MCM5: variants seen among roughly 807,000 people sequenced by gnomAD.
MCM5 encodes minichromosome maintenance complex component 5, also known as DNA replication licensing factor MCM5.
In MCM5, 46 loss-of-function variants were observed where a neutral mutation model predicts 79.9. That is an observed-to-expected ratio of 0.58 (90% confidence interval 0.45 to 0.74). The LOEUF (loss-of-function observed/expected upper bound fraction) is 0.74, where lower values mean the gene tolerates loss of function less well. Among genes scored for constraint, MCM5 ranks in the 30% least tolerant of loss-of-function variants. The pLI, the probability that MCM5 is intolerant of heterozygous loss-of-function variation, is 0.00. For missense variants in MCM5, 883 were observed against 1,017.0 expected (o/e 0.87, Z 1.79); for synonymous variants, 404 against 390.5 (o/e 1.03, Z -0.41).
chr22:35,429,639 A>G (rs749486472), downstream of MCM5, among the ~76,000 whole-genome samples: 9 of 151,682 alleles, frequency 5.9e-5, no homozygotes, highest in Non-Finnish European at 1.0e-4. Flanking sequence ...TGGTTCAAGC[A>G]ATTCTCCTGC....
chr22:35,423,179 A>T (rs757806636), intron 15 of MCM5, 35 bp from the exon 16 acceptor site: 1 of 1,526,048 alleles, frequency 6.6e-7, no homozygotes, highest in Non-Finnish European at 8.9e-7. Flanking sequence ...CCATTGTCCC[A>T]GCTCCCCGGC....
At chr22:35,438,354 C>CGT in the MCM5 span, among the ~76,000 whole-genome samples, 1 of 94,548 alleles carries the variant, frequency 1.1e-5, no homozygotes, top group Admixed American at 1.0e-4. Context: ...CATCCACTCA[C>CGT]CCACCCACAT....
At chr22:35,449,453 T>C in the MCM5 span, among the ~76,000 whole-genome samples, 1 of 152,072 alleles carries the variant, frequency 6.6e-6, no homozygotes, top group African/African-American at 2.4e-5. Context: ...GCCCCAGCCA[T>C]GGCCTCTTTT....
rs996685807 is a variant in MCM5, at chr22:35,402,494, G to GTT, written c.168-703_168-702dup. 7.6e-5 allele frequency among the ~76,000 whole-genome samples: 11 copies of GTT among 144,166 alleles called. No individual in the cohort carries two copies. The South Asian group carries it at 2.0e-3, about 26-fold the overall frequency. 94.6% of individuals were successfully genotyped at this position (144,166 alleles called of 152,430 possible). A position where few individuals can be genotyped will look rare whatever the true frequency, so the allele number is the denominator to read the frequency against. ...GGCATCCGCCACCACACCCGGCTAGGTTTTTTTTTTTGTATTTTTAGTAGA... is the reference window on the plus strand; with the variant it reads ...GGCATCCGCCACCACACCCGGCTAGGTTTTTTTTTTTTTGTATTTTTAGTAGA... On this transcript the variant is annotated intron_variant, in intron 2 of 16. Coordinates refer to ENST00000216122, the MANE Select transcript of MCM5 (RefSeq NM_006739.4).
the MCM5 span, among the ~76,000 whole-genome samples, chr22:35,436,520 G>C: frequency 6.6e-6 from 1 of 152,234 alleles, no homozygotes. Flanking sequence ...GGGCCCTGCT[G>C]TTTCTACTCC....
At position 35,424,472 on chromosome 22, in the gene MCM5, G is replaced by A. The variant is rs1029601100; in HGVS notation, c.*217G>A. The A allele has an allele frequency of 4.7e-5, 23 of 493,570 alleles. No individual in the cohort carries two copies. The highest frequency in any genetic ancestry group is 1.8e-4 in the African/African-American group (9 of 49,876). The allele number at this position is 493,570 out of a possible 1,614,324, so 30.6% of individuals were successfully genotyped here. On this transcript the variant is annotated 3_prime_UTR_variant, in exon 17 of 17. Coordinates refer to ENST00000216122, the MANE Select transcript of MCM5 (RefSeq NM_006739.4). Reference sequence around the variant, plus strand: ...TCTGGGAAGTGTGCTTTTGGCATCCGTTAATAATAAAGCCACGGTGTGTTC... The same window carrying A: ...TCTGGGAAGTGTGCTTTTGGCATCCATTAATAATAAAGCCACGGTGTGTTC...
intron 4 of MCM5, among the ~76,000 whole-genome samples, chr22:35,406,029 AAG>A (rs1472649896): frequency 2.0e-5 from 3 of 152,068 alleles, no homozygotes. Context: ...AAAAAGAAAA[AAG>A]AAAAAATATT....
At chr22:35,452,737 G>A in the MCM5 span, among the ~76,000 whole-genome samples, 1 of 152,316 alleles carries the variant, frequency 6.6e-6, no homozygotes, top group Non-Finnish European at 1.5e-5. Context: ...CTCCGCTGGG[G>A]TGGTGGTGCC....
intron 5 of MCM5, 77 bp downstream of exon 5, chr22:35,406,802 C>G (rs1932232374): frequency 2.1e-6 from 3 of 1,438,874 alleles, no homozygotes; most frequent in African/African-American, 1.4e-5. Context: ...GTAGCAAGCA[C>G]TGCCTGCAGC....
the MCM5 span, among the ~76,000 whole-genome samples, chr22:35,452,036 G>GAT: frequency 6.6e-6 from 1 of 152,178 alleles, no homozygotes; most frequent in Non-Finnish European, 1.5e-5. Context: ...TCAGCCCCTG[G>GAT]CTTCTGCCCT....
the MCM5 span, among the ~76,000 whole-genome samples, chr22:35,449,067 G>A: frequency 1.3e-5 from 2 of 152,194 alleles, no homozygotes; most frequent in Admixed American, 6.5e-5. Flanking sequence ...CAGGAGGAAA[G>A]GGGGGTTGTC....
downstream of MCM5, chr22:35,425,530 G>A (rs1028001478): frequency 6.6e-6 from 1 of 152,124 alleles, no homozygotes; most frequent in Non-Finnish European, 1.5e-5. Context: ...GAAATGGAGA[G>A]ATGAGAGGAG....
In MCM5 at chr22:35,403,276, C is replaced by G. The variant is rs754281694; in HGVS notation, c.237C>G (p.Ser79Arg). 1.4e-5 allele frequency: 23 copies of G among 1,614,014 alleles called. No homozygotes were observed. Among genetic ancestry groups the G allele is most frequent in the Non-Finnish European group, 1.9e-5 (22 of 1,180,030 alleles). ...WIEVEMEDLA[S>R]FDEDLADYLY... ...AGGTGGAGATGGAGGATCTGGCCAG[C>G]TTTGATGAGGACCTGGCCGACTACT... Residue 79 changes from serine to arginine, a missense_variant, in exon 3 of 17, where the codon AGC (serine) becomes AGG (arginine). Physicochemically the swap from Ser to Arg is moderately radical, Grantham distance 110. Around this residue, in one of 3 missense-constraint regions of MCM5, gnomAD observed 455 missense variants for 517.5 expected, o/e 0.88. Coordinates refer to ENST00000216122, the MANE Select transcript of MCM5 (RefSeq NM_006739.4).
At chr22:35,438,729 A>G in the MCM5 span, among the ~76,000 whole-genome samples, 1 of 144,552 alleles carries the variant, frequency 6.9e-6, no homozygotes, top group African/African-American at 2.5e-5. Flanking sequence ...CCATCCATCC[A>G]TCCACATATT....
At chr22:35,450,330 G>GT in the MCM5 span, among the ~76,000 whole-genome samples, 3 of 146,022 alleles carry the variant, frequency 2.1e-5, no homozygotes, top group South Asian at 4.2e-4. Flanking sequence ...AAGGAAAACT[G>GT]CCCCCGGGAC....
chr22:35,416,724 G>T lies in MCM5; in HGVS notation c.1500G>T (p.Gly500=). ...SVFGRWDETK[G]EDNIDFMPTI... ...TCGGCCGCTGGGATGAGACGAAGGG[G>T]GAGGACAACATTGACTTCATGCCCA... Residue 500 remains glycine (G), a synonymous_variant, in exon 12 of 17, where the codon GGG becomes GGT. Coordinates refer to ENST00000216122, the MANE Select transcript of MCM5 (RefSeq NM_006739.4). The T allele has an allele frequency of 6.2e-7, 1 of 1,614,176 alleles. No individual in the cohort carries two copies. Among genetic ancestry groups the T allele is most frequent in the Non-Finnish European group, 8.5e-7 (1 of 1,180,050 alleles).
chr22:35,437,312 A>G, the MCM5 span, among the ~76,000 whole-genome samples: 1 of 152,226 alleles, frequency 6.6e-6, no homozygotes, highest in Non-Finnish European at 1.5e-5. Context: ...TGGGCCAATC[A>G]GTCTTTGAGA....
rs4645825 is a variant in MCM5, at chr22:35,424,410, T to G, written c.*155T>G. On this transcript the variant is annotated 3_prime_UTR_variant, in exon 17 of 17. Transcript: ENST00000216122. ...TCTGCCCCAGAGGAAGGAGCTGTAG[T>G]GTCCTGCTGCCTCTGGGCGCCCGCC... The G allele has an allele frequency of 1.2e-5, 7 of 593,144 alleles. No individual in the cohort carries two copies. The highest frequency in any genetic ancestry group is 3.5e-5 in the Admixed American group (1 of 28,536). The allele number at this position is 593,144 out of a possible 1,614,324, so 36.7% of individuals were successfully genotyped here.
At chr22:35,405,941 G>A (rs1932197786) in intron 4 of MCM5, among the ~76,000 whole-genome samples, 1 of 151,782 alleles carries the variant, frequency 6.6e-6, no homozygotes, top group South Asian at 2.1e-4. Context: ...AACCCGGGAG[G>A]CGGAGGTTGC....
Sources: allele counts gnomAD v4.1 joint callset (sites outside exome capture counted in the v4.1 genomes callset), GRCh38; gene constraint gnomAD v4.1.1; regional missense constraint gnomAD v4.1.1; transcripts MANE v1.5; gene names NCBI Gene and HGNC (gene_info 2026-07-23, HGNC 2026-07-21).